The following MSRB3 variants were observed in gnomAD, a reference collection of about 807,000 sequenced individuals.
The protein encoded by MSRB3 is methionine sulfoxide reductase B3.
Under a neutral mutation model 21.0 loss-of-function variants are expected in MSRB3, and 13 were observed. The ratio of observed to expected loss-of-function variants is 0.62; its 90% CI spans 0.40 to 0.98. The LOEUF (loss-of-function observed/expected upper bound fraction) is 0.98, where lower values mean the gene tolerates loss of function less well. Among genes scored for constraint, MSRB3 ranks in the 50% least tolerant of loss-of-function variants. The pLI is 0.00. For missense variants in MSRB3, 199 were observed against 230.3 expected (o/e 0.86, Z 0.88); for synonymous variants, 87 against 88.6 (o/e 0.98, Z 0.10).
At chr12:65,448,816 A>G (rs1410386117) in intron 5 of MSRB3, among the ~76,000 whole-genome samples, 3 of 152,176 alleles carry the variant, frequency 2.0e-5, no homozygotes, top group African/African-American at 7.2e-5. Context: ...CAGAAAATCT[A>G]TTTATCATGG....
At position 65,438,916 on chromosome 12, in the gene MSRB3, A is replaced by G. The variant is rs373112573; in HGVS notation, c.293-14812A>G. 6.6e-5 allele frequency among the ~76,000 whole-genome samples: 10 copies of G among 152,036 alleles called. No homozygotes were observed. The South Asian group carries it at 1.9e-3, about 28-fold the overall frequency. On this transcript the variant is annotated intron_variant, in intron 5 of 6. Coordinates refer to ENST00000308259, the MANE Select transcript of MSRB3 (RefSeq NM_001031679.3). ...TAGCAGAAAAAGGGGGACAAGCACA[A>G]CATAAAATGGACAAATATAAGGAAA...
At chr12:65,392,064 A>T (rs746716804) in intron 5 of MSRB3, among the ~76,000 whole-genome samples, 1 of 152,224 alleles carries the variant, frequency 6.6e-6, no homozygotes, top group African/African-American at 2.4e-5. Context: ...TTTGGTTACC[A>T]GGTCAAATTG....
At chr12:65,438,877 G>A (rs1164748249) in intron 5 of MSRB3, among the ~76,000 whole-genome samples, 5 of 151,702 alleles carry the variant, frequency 3.3e-5, no homozygotes, top group African/African-American at 1.2e-4. Flanking sequence ...GAATGAATAG[G>A]AATTTCATCT....
chr12:65,395,877 A>C (rs556242837), intron 5 of MSRB3, among the ~76,000 whole-genome samples: 1 of 152,078 alleles, frequency 6.6e-6, no homozygotes, highest in African/African-American at 2.4e-5. Context: ...TGGTTTTACT[A>C]ATTTCTCCTT....
intron 6 of MSRB3, among the ~76,000 whole-genome samples, chr12:65,457,721 G>A (rs1226858816): frequency 2.7e-5 from 4 of 148,888 alleles, no homozygotes; most frequent in Non-Finnish European, 4.4e-5. Context: ...CTAATATCCA[G>A]AATCTACAAA....
intron 4 of MSRB3, among the ~76,000 whole-genome samples, chr12:65,366,716 T>G (rs1878035085): frequency 6.6e-6 from 1 of 152,150 alleles, no homozygotes; most frequent in African/African-American, 2.4e-5. Context: ...GACATTCAGG[T>G]AGTATTTTGT....
At position 65,465,627 on chromosome 12, in the gene MSRB3, G is replaced by A. The variant is rs916341409; in HGVS notation, c.*2305G>A. ...TACACTTGATTCCAGATGAGCTCTG[G>A]TCTTATCTGGATGCTCAGATAAGAG... On this transcript the variant is annotated 3_prime_UTR_variant, in exon 7 of 7. Transcript: ENST00000308259. 7.9e-5 allele frequency: 12 copies of A among 151,994 alleles called. No homozygotes were observed. Among genetic ancestry groups the A allele is most frequent in the African/African-American group, 2.7e-4 (11 of 41,366 alleles). 9.4% of individuals were successfully genotyped at this position (151,994 alleles called of 1,614,324 possible).
At chr12:65,301,242 A>G (rs1353771460) in intron 1 of MSRB3, among the ~76,000 whole-genome samples, 2 of 152,194 alleles carry the variant, frequency 1.3e-5, no homozygotes, top group Non-Finnish European at 2.9e-5. Flanking sequence ...TAAGACTATC[A>G]TAACATATAC....
intron 5 of MSRB3, among the ~76,000 whole-genome samples, chr12:65,404,814 TATTA>T (rs780687765): frequency 9.2e-5 from 14 of 152,230 alleles, no homozygotes; most frequent in Admixed American, 4.6e-4. Flanking sequence ...AATACATTGT[TATTA>T]ATTATTGTCT....
intron 1 of MSRB3, among the ~76,000 whole-genome samples, chr12:65,297,189 G>A (rs549022622): frequency 1.3e-5 from 2 of 152,150 alleles, no homozygotes; most frequent in East Asian, 3.9e-4. Flanking sequence ...TGGACACAGG[G>A]AGGGAGGCAA....
intron 6 of MSRB3, among the ~76,000 whole-genome samples, chr12:65,461,443 G>T (rs1289892844): frequency 6.6e-6 from 1 of 152,110 alleles, no homozygotes; most frequent in Non-Finnish European, 1.5e-5. Context: ...TATTTTCTAG[G>T]CAATAGATCA....
chr12:65,285,957 A>T (rs1441897644), intron 1 of MSRB3: 1 of 152,272 alleles, frequency 6.6e-6, no homozygotes, highest in East Asian at 1.9e-4. Flanking sequence ...ACACATTTAC[A>T]TACAGTATAT....
At chr12:65,284,494 G>A (rs971088290) in intron 1 of MSRB3, 9 of 152,180 alleles carry the variant, frequency 5.9e-5, no homozygotes, top group African/African-American at 2.2e-4. Flanking sequence ...CAGGTTTGTG[G>A]GTGGAGGTAA....
rs1036673106 is a variant in MSRB3 at position 65,293,328 on chromosome 12, T to G, written c.-52+14463T>G. On this transcript the variant is annotated intron_variant, in intron 1 of 6. Transcript: ENST00000308259. The stretch of plus-strand genomic sequence containing the variant: ...TGTTTCTCTTTTTAGTTTGCAGATT[T>G]GATTATGTTCTCCTTCACTTACTTC... Among the ~76,000 whole-genome samples, 7 of 152,336 alleles carry G rather than the reference T, an allele frequency of 4.6e-5. No homozygotes were observed. In the East Asian group the frequency reaches 1.4e-3, roughly 29 times the overall value.
chr12:65,348,234 A>G (rs1406974311), intron 4 of MSRB3, among the ~76,000 whole-genome samples: 2 of 152,088 alleles, frequency 1.3e-5, no homozygotes, highest in Non-Finnish European at 2.9e-5. Context: ...TTTGGTTGGT[A>G]AGCTATTAAT....
chr12:65,331,218 C>T (rs1875392599), intron 4 of MSRB3, among the ~76,000 whole-genome samples: 1 of 152,116 alleles, frequency 6.6e-6, no homozygotes, highest in Non-Finnish European at 1.5e-5. Context: ...AGCACCCAGT[C>T]AGGACACAGA....
chr12:65,464,746 A>G lies in MSRB3; in HGVS notation c.*1424A>G, dbSNP rs780383126. The G allele has an allele frequency of 5.9e-5, 9 of 152,294 alleles. No homozygotes were observed. The highest frequency in any genetic ancestry group is 9.6e-5 in the African/African-American group (4 of 41,452). The allele number at this position is 152,294 out of a possible 1,614,324, so 9.4% of individuals were successfully genotyped here. A position where few individuals can be genotyped will look rare whatever the true frequency, so the allele number is the denominator to read the frequency against. On this transcript the variant is annotated 3_prime_UTR_variant, in exon 7 of 7. Coordinates refer to ENST00000308259, the MANE Select transcript of MSRB3 (RefSeq NM_001031679.3). ...GGCAGAAAAACTGACAGGGCAGTAC[A>G]AGTAACAAACAGAATCCAAGTGGGG...
intron 5 of MSRB3, among the ~76,000 whole-genome samples, chr12:65,427,907 C>T (rs10878277): frequency 0.32 from 49,165 of 151,986 alleles, 8,247 homozygotes; most frequent in Middle Eastern, 0.48. Flanking sequence ...TAGTAAGCTC[C>T]AGTGTCTGAA....
intron 1 of MSRB3, among the ~76,000 whole-genome samples, chr12:65,307,858 T>C (rs777013427): frequency 3.3e-5 from 5 of 152,216 alleles, no homozygotes; most frequent in Non-Finnish European, 5.9e-5. Flanking sequence ...TTATTCGAAC[T>C]TAACGCTGTT....
Sources: gnomAD v4.1 joint callset for allele counts (sites outside exome capture counted in the v4.1 genomes callset) on GRCh38, gnomAD v4.1.1 for gene constraint, MANE v1.5 for transcripts, NCBI Gene and HGNC (gene_info 2026-07-23, HGNC 2026-07-21) for gene names.